SMURF2: variants seen among roughly 807,000 people sequenced by gnomAD.
SMURF2 encodes SMAD specific E3 ubiquitin protein ligase 2, also known as E3 ubiquitin-protein ligase SMURF2.
In SMURF2, 48 loss-of-function variants were observed where a neutral mutation model predicts 109.6. The ratio of observed to expected loss-of-function variants is 0.44; its 90% CI spans 0.35 to 0.56. SMURF2 has a LOEUF of 0.56. SMURF2 is among the 20% of genes least tolerant of loss of function. The probability of loss-of-function intolerance (pLI) is 0.01; values close to 1 mark genes in which losing one functional copy is unlikely to be tolerated. For missense variants in SMURF2, 575 were observed against 909.0 expected (o/e 0.63, Z 4.72); for synonymous variants, 288 against 317.1 (o/e 0.91, Z 0.97).
rs570834104 is a variant in SMURF2 at position 64,624,964 on chromosome 17, A to T, written c.53-18324T>A. On this transcript the variant is annotated intron_variant, in intron 1 of 18. Coordinates refer to ENST00000262435, the MANE Select transcript of SMURF2 (RefSeq NM_022739.4). ...GATCCTGACCCACTGGCCACTGCTAATTGGATAATAAGCAGCTACCACATC... is the reference window on the plus strand; with the variant it reads ...GATCCTGACCCACTGGCCACTGCTATTTGGATAATAAGCAGCTACCACATC... Among the ~76,000 whole-genome samples the T allele has an allele frequency of 8.5e-5, 13 of 152,326 alleles. No individual in the cohort carries two copies. In the South Asian group the frequency reaches 2.1e-3, roughly 24 times the overall value.
chr17:64,619,770 C>T (rs1970178687), intron 1 of SMURF2, among the ~76,000 whole-genome samples: 1 of 152,052 alleles, frequency 6.6e-6, no homozygotes. Flanking sequence ...AGGCTCCACC[C>T]TCATGACCTC....
intron 5 of SMURF2, among the ~76,000 whole-genome samples, chr17:64,587,018 C>T (rs555406892): frequency 1.1e-4 from 17 of 151,480 alleles, no homozygotes; most frequent in Non-Finnish European, 2.2e-4. Context: ...AAAAAATTAG[C>T]CGGGTGAGGA....
At chr17:64,559,066 C>T (rs1199949861) in intron 12 of SMURF2, among the ~76,000 whole-genome samples, 4 of 152,194 alleles carry the variant, frequency 2.6e-5, no homozygotes, top group Non-Finnish European at 4.4e-5. Context: ...AACGTCTCCA[C>T]ATAAGCAGCC....
At chr17:64,546,112 ATAATCT>A in intron 18 of SMURF2, 145 bp downstream of exon 18, 1 of 932,280 alleles carries the variant, frequency 1.1e-6, no homozygotes, top group Non-Finnish European at 1.6e-6. Flanking sequence ...CAATTTCCGA[ATAATCT>A]TAACTTTTAA....
At chr17:64,621,090 C>T (rs1568198476) in intron 1 of SMURF2, among the ~76,000 whole-genome samples, 1 of 152,164 alleles carries the variant, frequency 6.6e-6, no homozygotes, top group Admixed American at 6.5e-5. Flanking sequence ...ATTTTATTTG[C>T]CTTGTTTCTG....
chr17:64,598,372 TG>T lies in SMURF2; in HGVS notation c.200+9del. On this transcript the variant is annotated intron_variant, in intron 3 of 18. Transcript: ENST00000262435. ...ATATGTTCCATTTCAAACTAATTGT[TG>T]AAACCTACAGGTCATAATGCTGATT... is the stretch of plus-strand genomic sequence containing the variant. 6.4e-7 allele frequency: 1 copy of T among 1,560,542 alleles called. No homozygotes were observed. The highest frequency in any genetic ancestry group is 8.7e-7 in the Non-Finnish European group (1 of 1,150,280).
intron 1 of SMURF2, among the ~76,000 whole-genome samples, chr17:64,610,794 A>C (rs1555689510): frequency 6.6e-6 from 1 of 151,970 alleles, no homozygotes. Context: ...ACACTTTTTG[A>C]CTCTACTTCT....
intron 1 of SMURF2, among the ~76,000 whole-genome samples, chr17:64,619,493 AAAAAAAAAAAG>A (rs1453980951): frequency 2.6e-5 from 4 of 151,212 alleles, no homozygotes; most frequent in African/African-American, 9.8e-5. Context: ...AAAAAAAAAA[AAAAAAAAAAAG>A]AAGAAGAATA....
At chr17:64,648,386 TATAA>T (rs1394148167) in intron 1 of SMURF2, among the ~76,000 whole-genome samples, 1 of 152,168 alleles carries the variant, frequency 6.6e-6, no homozygotes, top group Non-Finnish European at 1.5e-5. Context: ...ATTACTAAGG[TATAA>T]ATGTTAGTTA....
intron 1 of SMURF2, among the ~76,000 whole-genome samples, chr17:64,637,923 CAA>C (rs59701513): frequency 0.068 from 4,900 of 72,496 alleles, 193 homozygotes; most frequent in Admixed American, 0.22. Flanking sequence ...GCGCCCTAGT[CAA>C]AAAAAAAAAA....
At chr17:64,602,879 C>T (rs1342366806) in intron 2 of SMURF2, among the ~76,000 whole-genome samples, 5 of 151,850 alleles carry the variant, frequency 3.3e-5, no homozygotes, top group African/African-American at 4.8e-5. Context: ...GAGTCGAGAT[C>T]GCGCCACTGC....
chr17:64,564,281 A>G (rs151318585), intron 10 of SMURF2, among the ~76,000 whole-genome samples: 21 of 152,364 alleles, frequency 1.4e-4, no homozygotes, highest in African/African-American at 5.1e-4. Flanking sequence ...AATACCACCA[A>G]CAATACAAAG....
chr17:64,607,156 A>C (rs1283560489), intron 1 of SMURF2, among the ~76,000 whole-genome samples: 1 of 151,890 alleles, frequency 6.6e-6, no homozygotes, highest in Non-Finnish European at 1.5e-5. Flanking sequence ...CCTTCTCCTA[A>C]ATCATCAGTT....
At chr17:64,551,830 G>T in intron 15 of SMURF2, 126 bp from the exon 16 acceptor site, 2 of 1,186,180 alleles carry the variant, frequency 1.7e-6, no homozygotes, top group Non-Finnish European at 2.4e-6. Flanking sequence ...TTAGCCTCAA[G>T]TCTAACAATA....
chr17:64,602,672 T>C (rs1239274649), intron 2 of SMURF2, among the ~76,000 whole-genome samples: 2 of 152,210 alleles, frequency 1.3e-5, no homozygotes, highest in Non-Finnish European at 2.9e-5. Context: ...CTCACGCCTG[T>C]AATCCCAGCA....
intron 1 of SMURF2, among the ~76,000 whole-genome samples, chr17:64,636,231 C>T (rs9902065): frequency 0.26 from 40,151 of 152,096 alleles, 10,954 homozygotes; most frequent in African/African-American, 0.69. Context: ...GTAGCTGAGA[C>T]TATAGGCATG....
chr17:64,645,106 G>A (rs1175975446), intron 1 of SMURF2, among the ~76,000 whole-genome samples: 1 of 152,008 alleles, frequency 6.6e-6, no homozygotes, highest in Non-Finnish European at 1.5e-5. Flanking sequence ...CAACAGCACT[G>A]TCAAAAACTT....
At position 64,605,642 on chromosome 17, in the gene SMURF2, T is replaced by C. The variant is rs565621545; in HGVS notation, c.91+960A>G. Among the ~76,000 whole-genome samples, 16 of 150,200 alleles carry C rather than the reference T, an allele frequency of 1.1e-4. 1 individual carries two copies. In the South Asian group the frequency reaches 3.2e-3, roughly 30 times the overall value. ...AGTCCACCCACTCAGGAGGGTGAGA[T>C]AGGAGGATCCCTTGAGCCCAGGAGT... On this transcript the variant is annotated intron_variant, in intron 2 of 18. Transcript: ENST00000262435.
At chr17:64,585,329 G>A (rs1172981555) in intron 6 of SMURF2, among the ~76,000 whole-genome samples, 18 of 152,186 alleles carry the variant, frequency 1.2e-4, no homozygotes, top group South Asian at 4.1e-4. Context: ...TAGTTTTTGA[G>A]GGTAACAATA....
Sources: allele counts gnomAD v4.1 joint callset (sites outside exome capture counted in the v4.1 genomes callset), GRCh38; gene constraint gnomAD v4.1.1; transcripts MANE v1.5; gene names NCBI Gene and HGNC (gene_info 2026-07-23, HGNC 2026-07-21).